ADCY8: variants seen among roughly 807,000 people sequenced by gnomAD.
ADCY8 encodes the protein adenylate cyclase 8.
Under a neutral mutation model 119.7 loss-of-function variants are expected in ADCY8, and 51 were observed. The observed-to-expected ratio is 0.43, with a 90% CI of 0.34 to 0.54. The LOEUF (loss-of-function observed/expected upper bound fraction) is 0.54. Ranked by LOEUF, ADCY8 falls within the 20% of genes least tolerant of loss-of-function variation. The pLI, the probability that ADCY8 is intolerant of heterozygous loss-of-function variation, is 0.03. For synonymous variants in ADCY8, 665 were observed against 651.0 expected (o/e 1.02, Z -0.33); for missense variants, 1,383 against 1,598.8 (o/e 0.87, Z 2.30).
chr8:130,851,256 A>G (rs1046436373), intron 9 of ADCY8, among the ~76,000 whole-genome samples: 1 of 152,256 alleles, frequency 6.6e-6, no homozygotes, highest in Non-Finnish European at 1.5e-5. Context: ...GAATATAAAC[A>G]TGCAAATGAT....
intron 5 of ADCY8, among the ~76,000 whole-genome samples, chr8:130,922,062 A>G (rs1457070881): frequency 6.6e-6 from 1 of 152,136 alleles, no homozygotes; most frequent in East Asian, 1.9e-4. Context: ...CCAGCACATT[A>G]GCTCACTCAA....
intron 1 of ADCY8, among the ~76,000 whole-genome samples, chr8:131,024,758 A>G (rs1379446993): frequency 2.0e-5 from 3 of 152,340 alleles, no homozygotes; most frequent in African/African-American, 7.2e-5. Flanking sequence ...GTGCCAATGT[A>G]ATTAAACCAC....
intron 1 of ADCY8, among the ~76,000 whole-genome samples, chr8:131,000,189 G>A (rs1181213758): frequency 6.6e-6 from 1 of 152,162 alleles, no homozygotes; most frequent in Admixed American, 6.5e-5. Context: ...TGGTAGGCCT[G>A]GGAATTGGGT....
At chr8:130,945,190 A>G (rs1320823207) in intron 3 of ADCY8, among the ~76,000 whole-genome samples, 1 of 152,222 alleles carries the variant, frequency 6.6e-6, no homozygotes, top group African/African-American at 2.4e-5. Context: ...TAGAAAGAAG[A>G]GAGAGATGAG....
At chr8:130,837,804 G>GT (rs1817034078) in intron 11 of ADCY8, among the ~76,000 whole-genome samples, 1 of 152,184 alleles carries the variant, frequency 6.6e-6, no homozygotes, top group South Asian at 2.1e-4. Context: ...AACATTCAAA[G>GT]TAACTGGTCA....
intron 2 of ADCY8, among the ~76,000 whole-genome samples, chr8:130,973,557 A>T (rs1386493290): frequency 6.6e-6 from 1 of 152,274 alleles, no homozygotes; most frequent in Non-Finnish European, 1.5e-5. Context: ...GAGTCAGCAG[A>T]GCTGATCAGA....
intron 9 of ADCY8, among the ~76,000 whole-genome samples, chr8:130,863,393 CTT>C (rs75445750): frequency 1.1e-4 from 16 of 142,330 alleles, no homozygotes; most frequent in Non-Finnish European, 1.4e-4. Flanking sequence ...CTATTGGGGC[CTT>C]TTTTTTTTTA....
intron 4 of ADCY8, among the ~76,000 whole-genome samples, chr8:130,940,192 C>T (rs573219827): frequency 7.2e-5 from 11 of 152,300 alleles, no homozygotes; most frequent in South Asian, 2.1e-4. Flanking sequence ...AAAGGCCACA[C>T]GGCAAGTAAG....
chr8:131,006,470 G>A (rs1175148758), intron 1 of ADCY8, among the ~76,000 whole-genome samples: 1 of 152,070 alleles, frequency 6.6e-6, no homozygotes, highest in Non-Finnish European at 1.5e-5. Context: ...GCTTTTTCAA[G>A]TTTATTTACT....
At chr8:130,999,684 C>A (rs1822884958) in intron 1 of ADCY8, among the ~76,000 whole-genome samples, 1 of 152,164 alleles carries the variant, frequency 6.6e-6, no homozygotes, top group African/African-American at 2.4e-5. Context: ...GAAAGGCCTG[C>A]TTTATTCAGA....
rs566561873 is a variant in ADCY8 at position 131,021,486 on chromosome 8, C to A, written c.960+17888G>T. Among the ~76,000 whole-genome samples the A allele has an allele frequency of 9.9e-4, 150 of 152,266 alleles. 1 individual carries two copies. In the South Asian group the frequency reaches 0.03, roughly 30 times the overall value. ...TCTAGTAATGCAACTGGGCACATTA[C>A]CTCCCAAAATAAAGTTTGGTTCTAT... On this transcript the variant is annotated intron_variant, in intron 1 of 17. Transcript: ENST00000286355.
chr8:130,998,300 A>G (rs1488632041), intron 1 of ADCY8, among the ~76,000 whole-genome samples: 1 of 152,222 alleles, frequency 6.6e-6, no homozygotes. Flanking sequence ...TCTGATAAGA[A>G]GACATTTGAG....
intron 9 of ADCY8, among the ~76,000 whole-genome samples, chr8:130,858,766 T>C (rs1034021379): frequency 6.6e-6 from 1 of 152,242 alleles, no homozygotes; most frequent in Non-Finnish European, 1.5e-5. Flanking sequence ...AACTTGTGGA[T>C]ATTTATTTTA....
At chr8:130,899,483 G>A (rs773636639) in intron 7 of ADCY8, among the ~76,000 whole-genome samples, 6 of 152,138 alleles carry the variant, frequency 3.9e-5, no homozygotes, top group Non-Finnish European at 7.3e-5. Flanking sequence ...GCACGCGCCG[G>A]TAATCTCAGC....
intron 12 of ADCY8, among the ~76,000 whole-genome samples, chr8:130,826,276 T>G (rs1051582208): frequency 1.3e-5 from 2 of 152,208 alleles, no homozygotes; most frequent in African/African-American, 4.8e-5. Flanking sequence ...ATATGAACTA[T>G]TAAGTATTGT....
intron 5 of ADCY8, among the ~76,000 whole-genome samples, chr8:130,913,281 T>A (rs1001428987): frequency 6.6e-6 from 1 of 152,100 alleles, no homozygotes; most frequent in Non-Finnish European, 1.5e-5. Flanking sequence ...ATAATAAGTT[T>A]TATTTCTTTT....
At chr8:130,796,875 T>G (rs545662750) in intron 15 of ADCY8, among the ~76,000 whole-genome samples, 1 of 150,968 alleles carries the variant, frequency 6.6e-6, no homozygotes, top group Admixed American at 6.6e-5. Flanking sequence ...TTATTCATAC[T>G]TTTCCTCCTG....
Position 130,968,147 on chromosome 8 carries a change from TA to T in ADCY8, c.1111-16150del, listed in dbSNP as rs369506697. 4.5e-4 allele frequency among the ~76,000 whole-genome samples: 67 copies of T among 149,850 alleles called. 1 individual carries two copies. Among genetic ancestry groups the T allele is most frequent in the Middle Eastern group, 3.6e-3 (1 of 280 alleles). On this transcript the variant is annotated intron_variant, in intron 2 of 17. Transcript: ENST00000286355. ...GTGGTCTGTAGAGAATTTAAAATCA[TA>T]AAAAAAATGACTAAAAGTTATTCTG...
intron 5 of ADCY8, among the ~76,000 whole-genome samples, chr8:130,916,523 C>G (rs1820133714): frequency 6.6e-6 from 1 of 152,238 alleles, no homozygotes; most frequent in South Asian, 2.1e-4. Flanking sequence ...CCCTCAATGT[C>G]TGGCCATAAA....
Sources: allele counts gnomAD v4.1 joint callset (sites outside exome capture counted in the v4.1 genomes callset), GRCh38; gene constraint gnomAD v4.1.1; transcripts MANE v1.5; gene names NCBI Gene and HGNC (gene_info 2026-07-23, HGNC 2026-07-21).